TMC5: variants seen among roughly 807,000 people sequenced by gnomAD.
TMC5 encodes transmembrane channel-like protein 5.
Under a neutral mutation model 110.5 loss-of-function variants are expected in TMC5, and 86 were observed. The ratio of observed to expected loss-of-function variants is 0.78; its 90% CI spans 0.65 to 0.93. TMC5 has a LOEUF of 0.93. Ranked by LOEUF, TMC5 falls within the 40% of genes least tolerant of loss-of-function variation. The pLI is 0.00. For synonymous variants in TMC5, 455 were observed against 439.5 expected, an observed-to-expected ratio of 1.04 and a Z score of -0.44; for missense variants, 1,144 against 1,222.8, an observed-to-expected ratio of 0.94 and a Z score of 0.96.
At chr16:19,482,710 G>C (rs1968647081) in intron 15 of TMC5, among the ~76,000 whole-genome samples, 1 of 152,122 alleles carries the variant, frequency 6.6e-6, no homozygotes, top group Non-Finnish European at 1.5e-5. Context: ...ACACCATTTG[G>C]TGGGTTCTCT....
At chr16:19,493,468 T>C (rs1968971022) in intron 19 of TMC5, among the ~76,000 whole-genome samples, 4 of 150,232 alleles carry the variant, frequency 2.7e-5, no homozygotes, top group Admixed American at 2.6e-4. Flanking sequence ...TCTCTCTCTT[T>C]TTTTTTTTTT....
chr16:19,423,950 T>G (rs190076736), intron 1 of TMC5, among the ~76,000 whole-genome samples: 30 of 152,242 alleles, frequency 2.0e-4, no homozygotes, highest in Admixed American at 1.9e-3. Context: ...GACAGGGTTT[T>G]GACATGTCGG....
chr16:19,443,996 AATGGATGGATGG>A (rs144130376), intron 3 of TMC5, 73 bp from the exon 4 acceptor site: 316 of 1,153,026 alleles, frequency 2.7e-4, no homozygotes, highest in Non-Finnish European at 3.2e-4. Context: ...TACATGATTG[AATGGATGGATGG>A]ATGGATGGAT....
chr16:19,437,839 A>G (rs1232222270), intron 2 of TMC5, among the ~76,000 whole-genome samples: 1 of 152,136 alleles, frequency 6.6e-6, no homozygotes, highest in African/African-American at 2.4e-5. Flanking sequence ...GCTTATGTAT[A>G]TATTCTATCC....
intron 5 of TMC5, among the ~76,000 whole-genome samples, chr16:19,457,834 A>G (rs1385494580): frequency 7.1e-6 from 1 of 141,164 alleles, no homozygotes; most frequent in Non-Finnish European, 1.5e-5. Context: ...AGTGATTCTC[A>G]TGCCTCAGCC....
chr16:19,446,580 C>T (rs1967620190), intron 4 of TMC5, among the ~76,000 whole-genome samples: 1 of 152,212 alleles, frequency 6.6e-6, no homozygotes, highest in African/African-American at 2.4e-5. Context: ...TGCCACTCTC[C>T]CTGTTTTAAC....
At chr16:19,484,511 C>T (rs1210200519) in intron 15 of TMC5, among the ~76,000 whole-genome samples, 1 of 152,128 alleles carries the variant, frequency 6.6e-6, no homozygotes, top group Admixed American at 6.6e-5. Flanking sequence ...CCTGTAACCC[C>T]AGGACTTTGG....
At chr16:19,456,366 T>C (rs1967872788) in intron 5 of TMC5, 5 of 790,462 alleles carry the variant, frequency 6.3e-6, no homozygotes, top group Non-Finnish European at 7.8e-6. Flanking sequence ...ATGAGTCATT[T>C]AGAAAAATAT....
intron 13 of TMC5, 52 bp from the exon 14 acceptor site, chr16:19,479,379 T>C (rs1049203208): frequency 5.2e-6 from 7 of 1,344,334 alleles, no homozygotes; most frequent in African/African-American, 1.4e-5. Context: ...AGAGGAGAAT[T>C]GAGCTGAGGC....
chr16:19,483,813 C>T (rs186177251), intron 15 of TMC5, among the ~76,000 whole-genome samples: 368 of 150,384 alleles, frequency 2.4e-3, no homozygotes, highest in African/African-American at 8.7e-3. Flanking sequence ...AGGCCAGGCA[C>T]GGTGGCTCAC....
intron 4 of TMC5, among the ~76,000 whole-genome samples, chr16:19,447,020 TAACAACAAC>T (rs59897298): frequency 1.3e-5 from 2 of 151,738 alleles, no homozygotes; most frequent in Admixed American, 6.6e-5. Context: ...ACTGAGTTAA[TAACAACAAC>T]AACAACAACA....
At chr16:19,490,949 T>TCCCCTTCCCCTCCCTTCCCTTCCC (rs1968885799) in intron 18 of TMC5, among the ~76,000 whole-genome samples, 1 of 70,508 alleles carries the variant, frequency 1.4e-5, no homozygotes, top group African/African-American at 4.9e-5. Context: ...CTTCCCTTCC[T>TCCCCTTCCCCTCCCTTCCCTTCCC]TTCCCCTTCC....
intron 5 of TMC5, chr16:19,456,951 A>C: frequency 6.2e-7 from 1 of 1,614,228 alleles, no homozygotes; most frequent in Non-Finnish European, 8.5e-7. Context: ...TCGATGTCTC[A>C]GACCCTTCAT....
chr16:19,480,204 A>G (rs1336247829), intron 14 of TMC5, among the ~76,000 whole-genome samples: 1 of 152,058 alleles, frequency 6.6e-6, no homozygotes, highest in Non-Finnish European at 1.5e-5. Context: ...ATGTAGATTT[A>G]TCTCATTGTT....
In TMC5 at chr16:19,472,104, T is replaced by C. The variant is rs551531661; in HGVS notation, c.1799T>C (p.Leu600Pro). The C allele has an allele frequency of 1.2e-6, 2 of 1,614,074 alleles. No homozygotes were observed. Among genetic ancestry groups the C allele is most frequent in the Admixed American group, 3.3e-5 (2 of 60,016 alleles). ...TGTTTCTAGGAGAACCTGTCAGAGC[T>C]CCGTCAGGAGAATTCCAAGTTGACG... is the stretch of plus-strand genomic sequence containing the variant. ...STEIRENLSE[L>P]RQENSKLTFN... The change falls in exon 11 of 22, where the codon CTC becomes CCC. Residue 600 changes from leucine to proline, a missense_variant. Coordinates refer to ENST00000542583, the MANE Select transcript of TMC5 (RefSeq NM_001261841.2).
At chr16:19,463,486 C>A in intron 7 of TMC5, 119 bp downstream of exon 7, 2 of 949,644 alleles carry the variant, frequency 2.1e-6, no homozygotes, top group Non-Finnish European at 3.4e-6. Flanking sequence ...TGCCCAGAGC[C>A]AACGGTTAGT....
In TMC5 at chr16:19,422,006, G is replaced by A. The variant is rs371038481; in HGVS notation, c.-308+3914G>A. Among the ~76,000 whole-genome samples the A allele has an allele frequency of 1.0e-3, 156 of 152,210 alleles. 4 individuals are homozygous for A. In the South Asian group the frequency reaches 0.032, roughly 31 times the overall value. On this transcript the variant is annotated intron_variant, in intron 1 of 21. Transcript: ENST00000542583. Reference sequence around the variant, plus strand: ...AGTACTTTGGAAGGCCGAGGTGGGCGGATCACGAGGTCAGGAGATCAAGAC... The same window carrying A: ...AGTACTTTGGAAGGCCGAGGTGGGCAGATCACGAGGTCAGGAGATCAAGAC...
At chr16:19,461,835 G>A (rs1295115594) in intron 6 of TMC5, among the ~76,000 whole-genome samples, 5 of 152,126 alleles carry the variant, frequency 3.3e-5, no homozygotes, top group Non-Finnish European at 7.4e-5. Context: ...TCAAATCCTG[G>A]CAGGGTGGAA....
rs1225886048 is a variant in TMC5, at chr16:19,440,059, T to C, written c.21T>C (p.Asn7=). ...CCAACATGTCTGCCTACTACAGGAA[T>C]AACTGGTCTGAGGAAGACCCAGATT... MSAYYR[N]NWSEEDPDYP... Residue 7 remains asparagine, a synonymous_variant, in exon 3 of 22, where the codon AAT becomes AAC. Coordinates refer to ENST00000542583, the MANE Select transcript of TMC5 (RefSeq NM_001261841.2). 1 of 1,613,658 alleles carries C rather than the reference T, an allele frequency of 6.2e-7. No individual in the cohort carries two copies. The highest frequency in any genetic ancestry group is 8.5e-7 in the Non-Finnish European group (1 of 1,179,900).
Sources: allele counts gnomAD v4.1 joint callset (sites outside exome capture counted in the v4.1 genomes callset), GRCh38; gene constraint gnomAD v4.1.1; transcripts MANE v1.5; gene names NCBI Gene and HGNC (gene_info 2026-07-23, HGNC 2026-07-21).